Variants in MTPN observed in about 807,000 individuals in gnomAD.
MTPN encodes myotrophin.
A neutral mutation model predicts 13.5 loss-of-function variants in MTPN; 2 were observed. The observed-to-expected ratio is 0.15, with a 90% CI of 0.06 to 0.47. The LOEUF (loss-of-function observed/expected upper bound fraction) is 0.47, where lower values mean the gene tolerates loss of function less well. Among genes scored for constraint, MTPN ranks in the 20% least tolerant of loss-of-function variants. The probability of loss-of-function intolerance (pLI) is 0.97; values close to 1 mark genes in which losing one functional copy is unlikely to be tolerated. For synonymous variants in MTPN, 46 were observed against 51.7 expected, an observed-to-expected ratio of 0.89 and a Z score of 0.48; for missense variants, 79 against 137.9, an observed-to-expected ratio of 0.57 and a Z score of 2.14.
rs2116328508 is a variant in MTPN, at chr7:135,927,097, A to G, written c.*2829T>C. On this transcript the variant is annotated 3_prime_UTR_variant, in exon 4 of 4. Coordinates refer to ENST00000393085, the MANE Select transcript of MTPN (RefSeq NM_145808.4). ...TCTTCTATACACAATTGAGTATACA[A>G]TATTGCATGGAAGAAAACAGCAGCT... is the stretch of plus-strand genomic sequence containing the variant. 4.3e-6 allele frequency: 2 copies of G among 467,718 alleles called. No individual in the cohort carries two copies. The highest frequency in any genetic ancestry group is 9.7e-5 in the South Asian group (2 of 20,596). The allele number at this position is 467,718 out of a possible 1,614,324, so 29.0% of individuals were successfully genotyped here.
chr7:135,937,243 T>C (rs1345948539), intron 3 of MTPN, among the ~76,000 whole-genome samples: 1 of 152,158 alleles, frequency 6.6e-6, no homozygotes, highest in African/African-American at 2.4e-5. Context: ...CTGATTATAG[T>C]TATACTGATA....
At chr7:135,950,002 T>C (rs990319003) in intron 3 of MTPN, among the ~76,000 whole-genome samples, 2 of 152,184 alleles carry the variant, frequency 1.3e-5, no homozygotes, top group African/African-American at 4.8e-5. Context: ...GTAGGATCCA[T>C]CTAATACAGC....
intron 3 of MTPN, among the ~76,000 whole-genome samples, chr7:135,948,936 G>C (rs1799323871): frequency 6.6e-6 from 1 of 152,180 alleles, no homozygotes; most frequent in Non-Finnish European, 1.5e-5. Flanking sequence ...TCAGGGAAAA[G>C]GCGGGAACGA....
chr7:135,966,073 CTGAT>C (rs1182436282), intron 1 of MTPN, among the ~76,000 whole-genome samples: 7 of 152,040 alleles, frequency 4.6e-5, no homozygotes, highest in African/African-American at 7.2e-5. Context: ...CCAAATCAGA[CTGAT>C]TAATAGACAT....
chr7:135,950,771 C>T (rs1419837511), intron 2 of MTPN, 89 bp from the exon 3 acceptor site: 9 of 1,014,510 alleles, frequency 8.9e-6, no homozygotes. Flanking sequence ...CTAGATTTAC[C>T]TATTTGCCTT....
intron 1 of MTPN, among the ~76,000 whole-genome samples, chr7:135,973,417 T>A (rs1407862166): frequency 6.6e-6 from 1 of 151,458 alleles, no homozygotes; most frequent in Admixed American, 6.6e-5. Flanking sequence ...AGTTTCCAGT[T>A]TGGACAAATG....
At chr7:135,950,775 T>C in intron 2 of MTPN, 93 bp from the exon 3 acceptor site, 1 of 993,078 alleles carries the variant, frequency 1.0e-6, no homozygotes, top group Non-Finnish European at 1.5e-6. Context: ...ATTTACCTAT[T>C]TGCCTTTCTA....
At chr7:135,972,109 C>T (rs185768252) in intron 1 of MTPN, among the ~76,000 whole-genome samples, 32 of 152,146 alleles carry the variant, frequency 2.1e-4, no homozygotes, top group Non-Finnish European at 3.4e-4. Flanking sequence ...TTAGTTGTAC[C>T]GGCTTCTTAC....
intron 1 of MTPN, among the ~76,000 whole-genome samples, chr7:135,963,495 T>C (rs900429177): frequency 1.3e-5 from 2 of 151,974 alleles, no homozygotes; most frequent in Admixed American, 1.3e-4. Context: ...AAGGTGATAA[T>C]ACATTAATAC....
In MTPN at chr7:135,928,009, A is replaced by G; in HGVS notation, c.*1917T>C. ...TCAAGAGGTGAAAACAAAGGTATCA[A>G]AACACCCTGTTGCACTACGTTGATA... On this transcript the variant is annotated 3_prime_UTR_variant, in exon 4 of 4. Coordinates refer to ENST00000393085, the MANE Select transcript of MTPN (RefSeq NM_145808.4). 1 of 269,454 alleles carries G rather than the reference A, an allele frequency of 3.7e-6. No homozygotes were observed. Among genetic ancestry groups the G allele is most frequent in the South Asian group, 4.3e-5 (1 of 23,258 alleles). 16.7% of individuals were successfully genotyped at this position (269,454 alleles called of 1,614,324 possible). A position where few individuals can be genotyped will look rare whatever the true frequency, so the allele number is the denominator to read the frequency against.
chr7:135,955,813 C>A (rs1799434614), intron 1 of MTPN, among the ~76,000 whole-genome samples: 1 of 150,724 alleles, frequency 6.6e-6, no homozygotes. Flanking sequence ...ACAGAGAAAG[C>A]CATATGATTG....
Position 135,927,132 on chromosome 7 carries a change from T to C in MTPN, c.*2794A>G. 1 of 564,476 alleles carries C rather than the reference T, an allele frequency of 1.8e-6. No individual in the cohort carries two copies. The highest frequency in any genetic ancestry group is 2.9e-6 in the Non-Finnish European group (1 of 349,682). The allele number at this position is 564,476 out of a possible 1,614,324, so 35.0% of individuals were successfully genotyped here. On this transcript the variant is annotated 3_prime_UTR_variant, in exon 4 of 4. Coordinates refer to ENST00000393085, the MANE Select transcript of MTPN (RefSeq NM_145808.4). ...GAAGAAAACAGCAGCTCAACTGAAA[T>C]ATTAGAAAAAAAAATCAAACAGATA...
chr7:135,960,455 T>C (rs10240281), intron 1 of MTPN, among the ~76,000 whole-genome samples: 3,033 of 152,062 alleles, frequency 0.02, 101 homozygotes, highest in African/African-American at 0.07. Flanking sequence ...ATAAGCAGGT[T>C]TTAAGTGTGG....
At chr7:135,967,961 A>AT (rs1799631036) in intron 1 of MTPN, among the ~76,000 whole-genome samples, 1 of 151,886 alleles carries the variant, frequency 6.6e-6, no homozygotes, top group South Asian at 2.1e-4. Flanking sequence ...ACTACCTACA[A>AT]TTTTTTTGTG....
At chr7:135,952,517 G>A (rs996540998) in intron 1 of MTPN, among the ~76,000 whole-genome samples, 5 of 152,158 alleles carry the variant, frequency 3.3e-5, no homozygotes, top group Admixed American at 3.3e-4. Flanking sequence ...CTCTAAAGCT[G>A]AAGAGGTTAA....
chr7:135,955,174 G>A (rs763783405), intron 1 of MTPN, among the ~76,000 whole-genome samples: 1 of 152,076 alleles, frequency 6.6e-6, no homozygotes, highest in Non-Finnish European at 1.5e-5. Flanking sequence ...GAAATTTATA[G>A]CACTAAATGC....
intron 1 of MTPN, chr7:135,960,909 G>A (rs993833898): frequency 1.3e-5 from 2 of 151,820 alleles, no homozygotes; most frequent in African/African-American, 4.8e-5. Flanking sequence ...CAATAAGTAA[G>A]GGTGTCTTAA....
intron 1 of MTPN, among the ~76,000 whole-genome samples, chr7:135,957,319 C>A (rs1403532638): frequency 6.6e-6 from 1 of 152,048 alleles, no homozygotes. Context: ...GATGGGTTGA[C>A]TTCTGGTGCT....
intron 1 of MTPN, among the ~76,000 whole-genome samples, chr7:135,964,630 C>T (rs987517217): frequency 1.3e-5 from 2 of 151,962 alleles, no homozygotes; most frequent in Non-Finnish European, 2.9e-5. Context: ...AGGCCTCTTG[C>T]CTAAGGTTCA....
Sources: gnomAD v4.1 joint callset for allele counts (sites outside exome capture counted in the v4.1 genomes callset) on GRCh38, gnomAD v4.1.1 for gene constraint, MANE v1.5 for transcripts, NCBI Gene and HGNC (gene_info 2026-07-23, HGNC 2026-07-21) for gene names.